Variants in ABCA13 observed in about 807,000 individuals in gnomAD.
ABCA13 encodes the protein ATP binding cassette subfamily A member 13.
Under a neutral mutation model 478.7 loss-of-function variants are expected in ABCA13, and 476 were observed. That is an observed-to-expected ratio of 0.99 (90% CI 0.92 to 1.07). The LOEUF (loss-of-function observed/expected upper bound fraction) is 1.07, where lower values mean the gene tolerates loss of function less well. Ranked by LOEUF, ABCA13 falls within the 50% of genes least tolerant of loss-of-function variation. ABCA13 has a pLI of 0.00. For synonymous variants in ABCA13, 2,252 were observed against 2,158.9 expected, an observed-to-expected ratio of 1.04 and a Z score of -1.20; for missense variants, 6,060 against 5,910.6, an observed-to-expected ratio of 1.03 and a Z score of -0.83.
At chr7:48,643,932 C>T (rs1429527342) in intron 60 of ABCA13, among the ~76,000 whole-genome samples, 1 of 152,100 alleles carries the variant, frequency 6.6e-6, no homozygotes, top group Non-Finnish European at 1.5e-5. Flanking sequence ...AACAAGGTGA[C>T]CCGGAGATTC....
intron 56 of ABCA13, 53 bp downstream of exon 56, chr7:48,580,427 T>A: frequency 6.4e-7 from 1 of 1,556,898 alleles, no homozygotes; most frequent in Non-Finnish European, 8.7e-7. Context: ...GAATGCTTGG[T>A]GACCACCTCT....
intron 42 of ABCA13, among the ~76,000 whole-genome samples, chr7:48,449,518 T>C (rs1389732246): frequency 6.6e-6 from 1 of 152,220 alleles, no homozygotes; most frequent in Non-Finnish European, 1.5e-5. Context: ...ATGTTCAGTG[T>C]ATTCAGGGTT....
chr7:48,357,346 C>T (rs1355841694), intron 31 of ABCA13, among the ~76,000 whole-genome samples: 4 of 151,960 alleles, frequency 2.6e-5, no homozygotes, highest in Admixed American at 1.3e-4. Flanking sequence ...TGACCCTCAG[C>T]GCTCAGAGCT....
At chr7:48,472,772 C>T (rs1006195764) in intron 45 of ABCA13, among the ~76,000 whole-genome samples, 9 of 152,082 alleles carry the variant, frequency 5.9e-5, no homozygotes, top group African/African-American at 2.2e-4. Flanking sequence ...GGCACGAATC[C>T]CTGGCAGTCC....
At chr7:48,243,820 C>G (rs1159010610) in intron 10 of ABCA13, among the ~76,000 whole-genome samples, 1 of 152,226 alleles carries the variant, frequency 6.6e-6, no homozygotes, top group Non-Finnish European at 1.5e-5. Flanking sequence ...GTAGCTACAT[C>G]TCTTTCTGCT....
At chr7:48,461,880 C>T (rs1398997812) in intron 43 of ABCA13, among the ~76,000 whole-genome samples, 2 of 152,164 alleles carry the variant, frequency 1.3e-5, no homozygotes, top group African/African-American at 2.4e-5. Context: ...CTCTAATTCT[C>T]ATTCCACAAA....
At chr7:48,173,705 C>G (rs1794463222) in intron 1 of ABCA13, among the ~76,000 whole-genome samples, 1 of 152,206 alleles carries the variant, frequency 6.6e-6, no homozygotes, top group Non-Finnish European at 1.5e-5. Context: ...TTTGGAGCTG[C>G]CTGACTGGGT....
chr7:48,502,095 A>G (rs1008251045), intron 48 of ABCA13, among the ~76,000 whole-genome samples: 12 of 152,232 alleles, frequency 7.9e-5, no homozygotes, highest in African/African-American at 2.9e-4. Flanking sequence ...TGCATAGCAT[A>G]CTAGCTTCCT....
intron 41 of ABCA13, among the ~76,000 whole-genome samples, chr7:48,425,827 G>C: frequency 6.6e-6 from 1 of 151,966 alleles, no homozygotes; most frequent in Non-Finnish European, 1.5e-5. Context: ...TGCAGGCTCC[G>C]CCCCCTGGGG....
intron 55 of ABCA13, among the ~76,000 whole-genome samples, chr7:48,578,036 T>C (rs935985622): frequency 1.3e-5 from 2 of 152,128 alleles, no homozygotes; most frequent in South Asian, 2.1e-4. Context: ...TTATTCATGA[T>C]ACTAACTCTC....
chr7:48,356,965 T>C (rs939846686), intron 31 of ABCA13, among the ~76,000 whole-genome samples: 1 of 151,976 alleles, frequency 6.6e-6, no homozygotes. Context: ...ATTTGAAAGG[T>C]CACCTGTTAT....
rs768246486 is a variant in ABCA13 at position 48,389,103 on chromosome 7, C to T, written c.11537C>T (p.Ser3846Phe). 11 of 1,613,864 alleles carry T rather than the reference C, an allele frequency of 6.8e-6. No homozygotes were observed. The highest frequency in any genetic ancestry group is 3.4e-6 in the Non-Finnish European group (4 of 1,179,884). Residue 3846 changes from serine (S) to phenylalanine (F), a missense_variant, in exon 37 of 62, where the codon TCT becomes TTT. Physicochemically the swap from Ser to Phe is radical, Grantham distance 155 (BLOSUM62 -2). This residue lies in a region of ABCA13 where 1,627 missense variants were observed against 1,571.0 expected (regional missense o/e 1.04). Transcript: ENST00000435803. Reference protein sequence around the residue: ...EGSAPGVTLVSVTKEYEGHKA... With the variant: ...EGSAPGVTLVFVTKEYEGHKA... ...AGTGCCCCGGGAGTCACCCTGGTGTCTGTGACCAAGGAATATGAGGGCCAC... is the reference window on the plus strand; with the variant it reads ...AGTGCCCCGGGAGTCACCCTGGTGTTTGTGACCAAGGAATATGAGGGCCAC...
chr7:48,418,412 T>C (rs1042280862), intron 41 of ABCA13, among the ~76,000 whole-genome samples: 3 of 152,234 alleles, frequency 2.0e-5, no homozygotes, highest in African/African-American at 4.8e-5. Context: ...CACTGCTGCC[T>C]TAATTTGCAT....
intron 36 of ABCA13, among the ~76,000 whole-genome samples, chr7:48,388,540 A>G (rs1815539674): frequency 6.6e-6 from 1 of 152,208 alleles, no homozygotes. Flanking sequence ...GGCCATCTCC[A>G]TGGAAATAGA....
intron 55 of ABCA13, among the ~76,000 whole-genome samples, chr7:48,551,755 A>G (rs1563426857): frequency 6.6e-6 from 1 of 151,700 alleles, no homozygotes; most frequent in Non-Finnish European, 1.5e-5. Context: ...ACAAAGGATG[A>G]CTGCAGTGAG....
chr7:48,559,374 A>G (rs1324031723), intron 55 of ABCA13, among the ~76,000 whole-genome samples: 1 of 152,044 alleles, frequency 6.6e-6, no homozygotes, highest in Admixed American at 6.5e-5. Context: ...CCCAAGAATC[A>G]GCTTGTGATA....
chr7:48,177,512 T>G (rs138717753), intron 1 of ABCA13, among the ~76,000 whole-genome samples: 61 of 152,256 alleles, frequency 4.0e-4, no homozygotes, highest in African/African-American at 1.5e-3. Context: ...ACAAACCCGC[T>G]CAGCTGCAGA....
chr7:48,327,182 A>G (rs906062764), intron 27 of ABCA13, among the ~76,000 whole-genome samples: 3 of 152,200 alleles, frequency 2.0e-5, no homozygotes, highest in Non-Finnish European at 4.4e-5. Flanking sequence ...ATTGACTCAC[A>G]GTTTCACATG....
intron 15 of ABCA13, among the ~76,000 whole-genome samples, chr7:48,251,531 T>C (rs1792554950): frequency 6.6e-6 from 1 of 152,164 alleles, no homozygotes. Context: ...CTCTGGATCC[T>C]GTAAGCTTAA....
Sources: allele counts gnomAD v4.1 joint callset (sites outside exome capture counted in the v4.1 genomes callset), GRCh38; gene constraint gnomAD v4.1.1; regional missense constraint gnomAD v4.1.1; transcripts MANE v1.5; gene names NCBI Gene and HGNC (gene_info 2026-07-23, HGNC 2026-07-21).